RAD51B: variants seen among roughly 807,000 people sequenced by gnomAD.
RAD51B encodes DNA repair protein RAD51 homolog 2.
In RAD51B, 38 loss-of-function variants were observed where a neutral mutation model predicts 42.2. That is an observed-to-expected ratio of 0.90 (90% CI 0.70 to 1.18). The LOEUF (loss-of-function observed/expected upper bound fraction) is 1.18. RAD51B is among the 50% of genes most tolerant of loss of function. The pLI is 0.00. For synonymous variants in RAD51B, 154 were observed against 145.2 expected (o/e 1.06, Z -0.43); for missense variants, 373 against 400.7 (o/e 0.93, Z 0.59).
At chr14:68,505,513 A>T (rs1885245778) in intron 10 of RAD51B, among the ~76,000 whole-genome samples, 1 of 151,238 alleles carries the variant, frequency 6.6e-6, no homozygotes, top group South Asian at 2.1e-4. Context: ...TCTGGCTCTT[A>T]GAAATAACAA....
Position 68,490,807 on chromosome 14 carries a change from A to G in RAD51B, c.1036+22557A>G, listed in dbSNP as rs1884008485. On this transcript the variant is annotated intron_variant, in intron 10 of 10. Coordinates refer to the RAD51B transcript ENST00000487270. Reference sequence around the variant, plus strand: ...CCCAAGGCCAAAAGAAGGGAGGGGCAGGGAGGAACACTGCAGGAAGGACAG... The same window carrying G: ...CCCAAGGCCAAAAGAAGGGAGGGGCGGGGAGGAACACTGCAGGAAGGACAG... Among the ~76,000 whole-genome samples, 5 of 152,298 alleles carry G rather than the reference A, an allele frequency of 3.3e-5. No homozygotes were observed. In the South Asian group the frequency reaches 8.3e-4, roughly 25 times the overall value.
At chr14:68,428,892 C>T (rs2084926346) in intron 9 of RAD51B, among the ~76,000 whole-genome samples, 1 of 151,276 alleles carries the variant, frequency 6.6e-6, no homozygotes, top group Non-Finnish European at 1.5e-5. Flanking sequence ...TCTCCTAATG[C>T]TGTCCCTCCC....
intron 8 of RAD51B, among the ~76,000 whole-genome samples, chr14:68,357,639 C>T (rs1178929478): frequency 1.3e-5 from 2 of 152,060 alleles, no homozygotes; most frequent in Non-Finnish European, 1.5e-5. Flanking sequence ...ATCCATGGGC[C>T]GCAGCAGGCA....
intron 5 of RAD51B, among the ~76,000 whole-genome samples, chr14:67,880,843 T>C (rs765551947): frequency 4.6e-5 from 7 of 152,206 alleles, no homozygotes; most frequent in Non-Finnish European, 8.8e-5. Flanking sequence ...TAGTATTAGT[T>C]TGATCCTTTT....
intron 5 of RAD51B, among the ~76,000 whole-genome samples, chr14:67,874,817 G>A (rs1156468026): frequency 6.6e-6 from 1 of 152,086 alleles, no homozygotes; most frequent in Non-Finnish European, 1.5e-5. Flanking sequence ...TGGCAACCAT[G>A]AGAATTCCAG....
intron 7 of RAD51B, among the ~76,000 whole-genome samples, chr14:68,199,911 T>C (rs1595542410): frequency 6.6e-6 from 1 of 152,090 alleles, no homozygotes; most frequent in South Asian, 2.1e-4. Flanking sequence ...AGAAAACAAC[T>C]CCCCAGCAAC....
intron 7 of RAD51B, among the ~76,000 whole-genome samples, chr14:67,981,654 A>G (rs965341550): frequency 1.3e-5 from 2 of 152,248 alleles, no homozygotes; most frequent in East Asian, 3.8e-4. Flanking sequence ...GGTACATGTA[A>G]CAACATGGAT....
chr14:67,861,429 T>G (rs1033845000), intron 4 of RAD51B, among the ~76,000 whole-genome samples: 2 of 151,388 alleles, frequency 1.3e-5, no homozygotes, highest in Admixed American at 1.3e-4. Context: ...GCTTGAGTCC[T>G]GGAGTTCAAG....
intron 10 of RAD51B, 126 bp downstream of exon 10, chr14:68,468,376 G>A: frequency 3.0e-6 from 3 of 1,009,780 alleles, no homozygotes; most frequent in Non-Finnish European, 4.7e-6. Context: ...AGATGCATTG[G>A]CCAGTGATAT....
intron 10 of RAD51B, among the ~76,000 whole-genome samples, chr14:68,532,717 G>A (rs539041340): frequency 5.1e-4 from 77 of 152,264 alleles, no homozygotes; most frequent in African/African-American, 1.6e-3. Context: ...AAAAGGGAAA[G>A]TGACTCATCT....
chr14:68,130,683 A>G (rs1441956193), intron 7 of RAD51B, among the ~76,000 whole-genome samples: 1 of 152,240 alleles, frequency 6.6e-6, no homozygotes, highest in Non-Finnish European at 1.5e-5. Flanking sequence ...TCTGAGCATT[A>G]TAAACTTTCT....
intron 8 of RAD51B, among the ~76,000 whole-genome samples, chr14:68,365,311 C>T (rs560169372): frequency 7.5e-4 from 115 of 152,344 alleles, no homozygotes; most frequent in African/African-American, 2.6e-3. Flanking sequence ...GATCTCTACC[C>T]ACACCCTGGT....
In RAD51B at chr14:67,825,552, G is replaced by A. The variant is rs2040801085; in HGVS notation, c.173G>A (p.Arg58Lys). Residue 58 changes from arginine (R) to lysine (K), a missense_variant, in exon 3 of 11, where the codon AGG (arginine) becomes AAG (lysine). Transcript: ENST00000471583. The stretch of plus-strand genomic sequence containing the variant: ...CATGAACTTCTATGTATGGTCAGCA[G>A]GGCCTGTGCCCCAAAGATGCAAACG... ...GVHELLCMVSRACAPKMQTAY... is the reference protein window; with the variant it reads ...GVHELLCMVSKACAPKMQTAY... 1 of 1,611,122 alleles carries A rather than the reference G, an allele frequency of 6.2e-7. No homozygotes were observed. Among genetic ancestry groups the A allele is most frequent in the Non-Finnish European group, 8.5e-7 (1 of 1,178,332 alleles).
intron 10 of RAD51B, among the ~76,000 whole-genome samples, chr14:68,500,330 G>A (rs1381352455): frequency 6.6e-6 from 1 of 152,222 alleles, no homozygotes; most frequent in Non-Finnish European, 1.5e-5. Context: ...TACAGATGAG[G>A]AAACTGAGGC....
chr14:68,069,317 G>A (rs756099588), intron 7 of RAD51B, among the ~76,000 whole-genome samples: 9 of 152,060 alleles, frequency 5.9e-5, no homozygotes, highest in Non-Finnish European at 1.0e-4. Flanking sequence ...TACATGTGCA[G>A]GTTTGTTACA....
intron 10 of RAD51B, among the ~76,000 whole-genome samples, chr14:68,621,944 A>G (rs1468450765): frequency 1.3e-5 from 2 of 152,156 alleles, no homozygotes; most frequent in Non-Finnish European, 2.9e-5. Context: ...CATGTCACTC[A>G]TGCCTCTGGT....
chr14:68,605,017 C>A (rs1039941313), intron 10 of RAD51B, among the ~76,000 whole-genome samples: 5 of 152,208 alleles, frequency 3.3e-5, no homozygotes, highest in Admixed American at 3.3e-4. Flanking sequence ...AGACGCCCAC[C>A]GGTGTGGCCC....
intron 7 of RAD51B, among the ~76,000 whole-genome samples, chr14:67,903,169 C>T (rs1472576182): frequency 6.6e-6 from 1 of 152,098 alleles, no homozygotes; most frequent in Non-Finnish European, 1.5e-5. Context: ...GAGAAAACTT[C>T]TAACTCTGAG....
chr14:68,531,402 G>A (rs1887297096), intron 10 of RAD51B, among the ~76,000 whole-genome samples: 3 of 152,032 alleles, frequency 2.0e-5, no homozygotes, highest in Non-Finnish European at 4.4e-5. Flanking sequence ...CACAAATAAA[G>A]AGATGACAAA....
Sources: allele counts gnomAD v4.1 joint callset (sites outside exome capture counted in the v4.1 genomes callset), GRCh38; gene constraint gnomAD v4.1.1; transcripts MANE v1.5; gene names NCBI Gene and HGNC (gene_info 2026-07-23, HGNC 2026-07-21).